F8: variants seen among roughly 807,000 people sequenced by gnomAD.
The protein encoded by F8 is antihemophilic factor.
In F8, 12 loss-of-function variants were observed where a neutral mutation model predicts 140.6. That is an observed-to-expected ratio of 0.09 (90% CI 0.05 to 0.14). F8 has a LOEUF of 0.14. F8 is among the 10% of genes least tolerant of loss of function. The pLI, the probability that F8 is intolerant of heterozygous loss-of-function variation, is 1.00. For missense variants in F8, 1,354 were observed against 1,720.7 expected, an observed-to-expected ratio of 0.79 and a Z score of 3.77; for synonymous variants, 585 against 614.6, an observed-to-expected ratio of 0.95 and a Z score of 0.71.
chrX:154,841,208 CTTT>C (rs1168917544), intron 25 of F8, among the ~76,000 whole-genome samples: 502 of 48,663 alleles, frequency 0.01, 5 homozygotes, highest in African/African-American at 0.036. Flanking sequence ...TTGCTTTCTT[CTTT>C]TTTTTTTTTT....
intron 1 of F8, among the ~76,000 whole-genome samples, chrX:155,012,960 C>A (rs1241523471): frequency 1.8e-5 from 2 of 108,581 alleles, no homozygotes; most frequent in South Asian, 4.0e-4. Context: ...TCCTGGCTAA[C>A]ACGGTGAAAC....
rs1454057946 is a variant in F8, at chrX:154,938,977, A to T, written c.2114-7301T>A. 2.7e-5 allele frequency among the ~76,000 whole-genome samples: 3 copies of T among 111,585 alleles called. No individual in the cohort carries two copies. In the East Asian group the frequency reaches 8.4e-4, roughly 31 times the overall value. ...ATATGTAGAATTCAAATAAATGACA[A>T]GAGCACAAAAGGTAGGAGTGAGAAA... On this transcript the variant is annotated intron_variant, in intron 13 of 25. Coordinates refer to ENST00000360256, the MANE Select transcript of F8 (RefSeq NM_000132.4).
chrX:154,990,964 C>A (rs2073584584), intron 4 of F8, among the ~76,000 whole-genome samples: 1 of 111,898 alleles, frequency 8.9e-6, no homozygotes, highest in South Asian at 3.7e-4. Flanking sequence ...CAGAAGCTTC[C>A]AATTTCCACA....
At chrX:154,981,483 C>T (rs114422889) in intron 6 of F8, among the ~76,000 whole-genome samples, 3,038 of 108,361 alleles carry the variant, frequency 0.028, 98 homozygotes, top group African/African-American at 0.095. Flanking sequence ...CCACAGTGTC[C>T]TTATAATTCA....
At chrX:154,996,880 C>T in intron 3 of F8, 93 bp downstream of exon 3, 1 of 995,839 alleles carries the variant, frequency 1.0e-6, no homozygotes, top group Non-Finnish European at 1.4e-6. Context: ...CAGTTAGGAC[C>T]TTAAAAGAGT....
At position 154,929,857 on chromosome X, in the gene F8, T is replaced by C. The variant is rs140160067; in HGVS notation, c.3933A>G (p.Ala1311=). 270 of 1,210,085 alleles carry C rather than the reference T, an allele frequency of 2.2e-4. No homozygotes were observed. Among genetic ancestry groups the C allele is most frequent in the Non-Finnish European group, 2.3e-4 (209 of 894,979 alleles). Residue 1311 remains alanine (A), a synonymous_variant, in exon 14 of 26, where the codon GCA becomes GCG. Transcript: ENST00000360256. The part of the protein sequence containing the change: ...NQTKQIVEKY[A]CTTRISPNTS... ...TATTAGGAGATATCCTTGTGGTGCA[T>C]GCATATTTCTCTACAATTTGCTTGG...
At chrX:154,941,690 C>T (rs1464208946) in intron 13 of F8, among the ~76,000 whole-genome samples, 10 of 107,404 alleles carry the variant, frequency 9.3e-5, no homozygotes, top group African/African-American at 3.0e-4. Flanking sequence ...CAGAACTCTC[C>T]ACCCCAAATC....
Position 154,930,756 on chromosome X carries a change from C to T in F8, c.3034G>A (p.Val1012Ile), listed in dbSNP as rs782339801. 12 of 1,208,863 alleles carry T rather than the reference C, an allele frequency of 9.9e-6. No individual in the cohort carries two copies. Among genetic ancestry groups the T allele is most frequent in the Non-Finnish European group, 1.3e-5 (12 of 894,303 alleles). ...TTTGTCTTTAACAAAGAGATGCTAA[C>T]TTTGAATAAGGCATTATCTTTAGTC... ...LLTKDNALFK[V>I]SISLLKTNKT... is the part of the protein sequence containing the mutation. The change falls in exon 14 of 26, where the codon GTT becomes ATT. Residue 1012 changes from valine (V) to isoleucine (I), a missense_variant. Val to Ile is a conservative substitution (Grantham distance 29). Coordinates refer to ENST00000360256, the MANE Select transcript of F8 (RefSeq NM_000132.4).
intron 16 of F8, 25 bp from the exon 17 acceptor site, chrX:154,904,549 A>T: frequency 8.7e-7 from 1 of 1,143,388 alleles, no homozygotes; most frequent in Non-Finnish European, 1.2e-6. Flanking sequence ...CATCAATCCT[A>T]TGAGTATAAG....
intron 22 of F8, among the ~76,000 whole-genome samples, chrX:154,888,403 TTTTCC>T (rs1426466856): frequency 2.1e-4 from 18 of 86,018 alleles, no homozygotes; most frequent in South Asian, 1.8e-3. Flanking sequence ...TTTTTTTTTT[TTTTCC>T]CCCCGAGATG....
At chrX:155,006,958 C>T (rs1290669465) in intron 1 of F8, among the ~76,000 whole-genome samples, 2 of 73,536 alleles carry the variant, frequency 2.7e-5, no homozygotes, top group African/African-American at 1.0e-4. Context: ...AAGGTGGGGC[C>T]GACTTAATTC....
intron 11 of F8, among the ~76,000 whole-genome samples, chrX:154,955,623 A>C (rs1255653679): frequency 9.0e-6 from 1 of 110,649 alleles, no homozygotes; most frequent in Non-Finnish European, 1.9e-5. Context: ...TCCAGGGGTG[A>C]CATCACATGT....
At chrX:154,999,825 A>G (rs2073637734) in intron 1 of F8, among the ~76,000 whole-genome samples, 1 of 112,677 alleles carries the variant, frequency 8.9e-6, no homozygotes, top group African/African-American at 3.2e-5. Context: ...ACACTGCATC[A>G]GCCAAAAATC....
At chrX:154,919,643 A>G in intron 14 of F8, 1 of 633,895 alleles carries the variant, frequency 1.6e-6, no homozygotes, top group East Asian at 4.4e-5. Context: ...ATCCATTTTG[A>G]CTTCATCCTT....
intron 14 of F8, 25 bp from the exon 15 acceptor site, chrX:154,906,598 G>C: frequency 8.3e-7 from 1 of 1,203,248 alleles, no homozygotes; most frequent in Non-Finnish European, 1.1e-6. Context: ...CAGAGGAAAA[G>C]CAATAATTTT....
intron 25 of F8, among the ~76,000 whole-genome samples, chrX:154,845,132 G>C (rs2072554717): frequency 8.9e-6 from 1 of 111,886 alleles, no homozygotes; most frequent in Non-Finnish European, 1.9e-5. Flanking sequence ...TTGCATCCCA[G>C]AGATGAAGCC....
chrX:154,916,912 T>C (rs1340877244), intron 14 of F8, among the ~76,000 whole-genome samples: 3 of 111,143 alleles, frequency 2.7e-5, no homozygotes, highest in Non-Finnish European at 5.7e-5. Context: ...TTTTTTGATG[T>C]AGGCATTTAT....
intron 13 of F8, among the ~76,000 whole-genome samples, chrX:154,934,743 C>T (rs907405545): frequency 3.6e-5 from 4 of 111,788 alleles, no homozygotes; most frequent in Non-Finnish European, 5.6e-5. Flanking sequence ...CTAAAACTCA[C>T]TCCTAATGCC....
At chrX:154,981,518 C>A (rs782375983) in intron 6 of F8, among the ~76,000 whole-genome samples, 1 of 109,495 alleles carries the variant, frequency 9.1e-6, no homozygotes, top group African/African-American at 3.3e-5. Flanking sequence ...TTCTTATAAA[C>A]GCCAGATGGA....
Sources: allele counts gnomAD v4.1 joint callset (sites outside exome capture counted in the v4.1 genomes callset), GRCh38; gene constraint gnomAD v4.1.1; transcripts MANE v1.5; gene names NCBI Gene and HGNC (gene_info 2026-07-23, HGNC 2026-07-21).